Variants in ATP2A1 observed in about 807,000 individuals in gnomAD.
ATP2A1 encodes sarcoplasmic/endoplasmic reticulum calcium ATPase 1.
A neutral mutation model predicts 109.5 loss-of-function variants in ATP2A1; 83 were observed. That is an observed-to-expected ratio of 0.76 (90% confidence interval 0.63 to 0.91). The LOEUF (loss-of-function observed/expected upper bound fraction) is 0.91. ATP2A1 is among the 40% of genes least tolerant of loss of function. ATP2A1 has a pLI of 0.00. For missense variants in ATP2A1, 1,101 were observed against 1,341.0 expected (o/e 0.82, Z 2.80); for synonymous variants, 505 against 537.6 (o/e 0.94, Z 0.84).
chr16:28,887,068 C>T, intron 6 of ATP2A1, 121 bp from the exon 7 acceptor site: 2 of 970,042 alleles, frequency 2.1e-6, no homozygotes, highest in Non-Finnish European at 3.3e-6. Flanking sequence ...CAGACATCCC[C>T]CAGGATGGCT....
At position 28,879,623 on chromosome 16, in the gene ATP2A1, G is replaced by A. The variant is rs757934586; in HGVS notation, c.219+40G>A. Reference sequence around the variant, plus strand: ...GTCTCTGGGGGCTGGCTGGGGGTGTGAGGCTGGGATCGGGCGAATGCGGGG... The same window carrying A: ...GTCTCTGGGGGCTGGCTGGGGGTGTAAGGCTGGGATCGGGCGAATGCGGGG... On this transcript the variant is annotated intron_variant, in intron 3 of 22. Transcript: ENST00000395503. 11 of 1,599,964 alleles carry A rather than the reference G, an allele frequency of 6.9e-6. No homozygotes were observed. The African/African-American group carries it at 1.3e-4, about 19-fold the overall frequency.
In ATP2A1 at chr16:28,878,508, C is replaced by T. The variant is rs1045201616; in HGVS notation, c.-164C>T. 1.4e-6 allele frequency: 1 copy of T among 703,530 alleles called. No homozygotes were observed. The highest frequency in any genetic ancestry group is 2.5e-6 in the Non-Finnish European group (1 of 399,300). 43.6% of individuals were successfully genotyped at this position (703,530 alleles called of 1,614,324 possible). On this transcript the variant is annotated 5_prime_UTR_variant, in exon 1 of 23. The change creates a new upstream start codon in the 5' untranslated region. Transcript: ENST00000395503. ...GGGGTGGCCGGCTGCTCAAGTGGGA[C>T]GGGGGTCAGAGCTTTGTGGAGGGAA... is the stretch of plus-strand genomic sequence containing the variant.
chr16:28,896,670 C>G (rs1473334648), intron 12 of ATP2A1, among the ~76,000 whole-genome samples: 2 of 151,200 alleles, frequency 1.3e-5, no homozygotes, highest in Non-Finnish European at 2.9e-5. Context: ...CTCGGCCTCC[C>G]AAAGTGCTGG....
chr16:28,887,777 CT>C, intron 8 of ATP2A1, 55 bp downstream of exon 8: 1 of 1,546,602 alleles, frequency 6.5e-7, no homozygotes, highest in Non-Finnish European at 8.8e-7. Flanking sequence ...GCAAAGACCC[CT>C]TTTCTTTTCT....
chr16:28,894,741 C>A (rs1382428590), intron 11 of ATP2A1, 81 bp from the exon 12 acceptor site: 2 of 1,606,368 alleles, frequency 1.2e-6, no homozygotes, highest in South Asian at 1.1e-5. Context: ...GGTTTGCTTC[C>A]TTCTTACGCT....
rs1441599273 is a variant in ATP2A1, at chr16:28,898,849, G to A, written c.1764+398G>A. ...AGAAAAGAGATGAACTGGACATGGTGACACACACCTGTAGACCCAGCTACT... is the reference window on the plus strand; with the variant it reads ...AGAAAAGAGATGAACTGGACATGGTAACACACACCTGTAGACCCAGCTACT... On this transcript the variant is annotated intron_variant, in intron 14 of 22. Transcript: ENST00000395503. This position sits in a 1 kb window ranked among gnomAD's most constrained non-coding sequence, Gnocchi z 4.0. Among the ~76,000 whole-genome samples, 1 of 152,166 alleles carries A rather than the reference G, an allele frequency of 6.6e-6. No individual in the cohort carries two copies. The highest frequency in any genetic ancestry group is 1.5e-5 in the Non-Finnish European group (1 of 68,040).
chr16:28,902,163 G>A lies in ATP2A1; in HGVS notation c.2322-21G>A, dbSNP rs1964095384. On this transcript the variant is annotated intron_variant, in intron 16 of 22. Transcript: ENST00000395503. The surrounding 1 kb of genome is among the most constrained non-coding windows in gnomAD (Gnocchi z 4.8). The stretch of plus-strand genomic sequence containing the variant: ...CAGGTCTGGGAGGCAGGACAGAGGT[G>A]TGACCACCTCCTTCCCACAGTATCT... 1 of 1,613,990 alleles carries A rather than the reference G, an allele frequency of 6.2e-7. No individual in the cohort carries two copies. Among genetic ancestry groups the A allele is most frequent in the Admixed American group, 1.7e-5 (1 of 60,004 alleles).
Position 28,898,759 on chromosome 16 carries a change from T to TA in ATP2A1, c.1764+310dup, listed in dbSNP as rs397824849. Among the ~76,000 whole-genome samples the TA allele has an allele frequency of 6.6e-6, 1 of 151,834 alleles. No individual in the cohort carries two copies. The highest frequency in any genetic ancestry group is 2.4e-5 in the African/African-American group (1 of 41,322). ...ATCTCTATTAAAAAAAAAATTTTTT[T>TA]AATTACCTGGTTAAATTCATAGGGG... is the stretch of plus-strand genomic sequence containing the variant. On this transcript the variant is annotated intron_variant, in intron 14 of 22. Coordinates refer to ENST00000395503, the MANE Select transcript of ATP2A1 (RefSeq NM_004320.6). This position sits in a 1 kb window ranked among gnomAD's most constrained non-coding sequence, Gnocchi z 4.0.
chr16:28,888,008 A>C (rs187983125), intron 8 of ATP2A1, among the ~76,000 whole-genome samples: 70 of 150,778 alleles, frequency 4.6e-4, no homozygotes, highest in African/African-American at 1.5e-3. Context: ...TCACCGTGTT[A>C]GCCAGGATGG....
rs747455754 is a variant in ATP2A1, at chr16:28,898,011, G to T, written c.1431G>T (p.Gln477His). 1 of 1,614,210 alleles carries T rather than the reference G, an allele frequency of 6.2e-7. No individual in the cohort carries two copies. The highest frequency in any genetic ancestry group is 2.2e-5 in the East Asian group (1 of 44,886). The change falls in exon 13 of 23, where the codon CAG (glutamine) becomes CAT (histidine). Residue 477 changes from glutamine to histidine, a missense_variant. Gln to His is a conservative substitution (Grantham distance 24). Transcript: ENST00000395503. This position sits in a 1 kb window ranked among gnomAD's most constrained non-coding sequence, Gnocchi z 4.0. ...RANACNSVIR[Q>H]LMKKEFTLEF... ...TGTCTCCTCTCCAGGTGATCCGCCA[G>T]CTAATGAAGAAGGAATTCACCCTGG...
rs151265711 is a variant in ATP2A1, at chr16:28,883,567, G to A, written c.463+978G>A. On this transcript the variant is annotated intron_variant, in intron 5 of 22. Transcript: ENST00000395503. The surrounding 1 kb of genome is among the most constrained non-coding windows in gnomAD (Gnocchi z 5.2). ...TTGGACCCTGTCCCCAGTACCATCC[G>A]TGGGACCAGTGCGGAATTAGGCAGC... 3.3e-5 allele frequency among the ~76,000 whole-genome samples: 5 copies of A among 152,286 alleles called. No individual in the cohort carries two copies. The highest frequency in any genetic ancestry group is 2.1e-4 in the South Asian group (1 of 4,828).
intron 9 of ATP2A1, among the ~76,000 whole-genome samples, chr16:28,891,931 G>T (rs1963784767): frequency 6.6e-6 from 1 of 151,818 alleles, no homozygotes; most frequent in South Asian, 2.1e-4. Flanking sequence ...AAATACATAG[G>T]AAAGATACAT....
intron 12 of ATP2A1, among the ~76,000 whole-genome samples, chr16:28,897,538 A>G (rs1963950640): frequency 6.6e-6 from 1 of 152,072 alleles, no homozygotes. Context: ...CAAACAATGA[A>G]AGTTTTTTTT....
chr16:28,881,831 T>A (rs1359970717), intron 4 of ATP2A1, among the ~76,000 whole-genome samples: 8 of 151,920 alleles, frequency 5.3e-5, no homozygotes, highest in Non-Finnish European at 7.4e-5. Context: ...AAATAGCACT[T>A]TCTCTTTGCC....
At chr16:28,899,716 T>A (rs1177471981) in intron 14 of ATP2A1, among the ~76,000 whole-genome samples, 1 of 128,268 alleles carries the variant, frequency 7.8e-6, no homozygotes, top group East Asian at 2.5e-4. Flanking sequence ...ATGCCAGCAC[T>A]TTGGGAGGCC....
At position 28,880,133 on chromosome 16, in the gene ATP2A1, C is replaced by A; in HGVS notation, c.219+550C>A. 1.0e-6 allele frequency: 1 copy of A among 996,094 alleles called. No homozygotes were observed. Among genetic ancestry groups the A allele is most frequent in the African/African-American group, 1.7e-5 (1 of 57,434 alleles). The allele number at this position is 996,094 out of a possible 1,614,324, so 61.7% of individuals were successfully genotyped here. A position where few individuals can be genotyped will look rare whatever the true frequency, so the allele number is the denominator to read the frequency against. On this transcript the variant is annotated intron_variant, in intron 3 of 22. Transcript: ENST00000395503. This position sits in a 1 kb window ranked among gnomAD's most constrained non-coding sequence, Gnocchi z 4.2. ...CTGGCATCCCTCATTACCCGCCCAG[C>A]CTGGCCTTAGCCCTTCCCCGCGCTC...
intron 15 of ATP2A1, among the ~76,000 whole-genome samples, chr16:28,901,616 G>A (rs1367450921): frequency 6.6e-6 from 1 of 152,036 alleles, no homozygotes. Context: ...CTGGGCGACA[G>A]AGTGAGACTC....
chr16:28,890,124 G>A (rs1378797793), intron 9 of ATP2A1, among the ~76,000 whole-genome samples: 2 of 151,612 alleles, frequency 1.3e-5, no homozygotes, highest in African/African-American at 2.4e-5. Flanking sequence ...TGTGGGCGAC[G>A]GAGTAAGACT....
chr16:28,888,974 C>T (rs760569438), intron 9 of ATP2A1, 21 bp downstream of exon 9: 27 of 1,613,536 alleles, frequency 1.7e-5, no homozygotes, highest in African/African-American at 9.3e-5. Context: ...GTGTGGGCAG[C>T]GCGCTCAGTC....
Sources: gnomAD v4.1 joint callset for allele counts (sites outside exome capture counted in the v4.1 genomes callset) on GRCh38, gnomAD v4.1.1 for gene constraint, Gnocchi (gnomAD v3.1) non-coding constraint, MANE v1.5 for transcripts, NCBI Gene and HGNC (gene_info 2026-07-23, HGNC 2026-07-21) for gene names.